Variants in PTPRD observed in about 807,000 individuals in gnomAD.
The protein encoded by PTPRD is receptor-type tyrosine-protein phosphatase delta.
In PTPRD, 34 loss-of-function variants were observed where a neutral mutation model predicts 214.5. That is an observed-to-expected ratio of 0.16 (90% confidence interval 0.12 to 0.21). The LOEUF (loss-of-function observed/expected upper bound fraction) is 0.21, where lower values mean the gene tolerates loss of function less well. PTPRD is among the 10% of genes least tolerant of loss of function. PTPRD has a pLI of 1.00. For synonymous variants in PTPRD, 1,128 were observed against 845.7 expected, an observed-to-expected ratio of 1.33 and a Z score of -5.79; for missense variants, 2,545 against 2,398.7, an observed-to-expected ratio of 1.06 and a Z score of -1.27.
chr9:10,479,653 A>ATAAC (rs2099084824), intron 2 of PTPRD, among the ~76,000 whole-genome samples: 1 of 57,238 alleles, frequency 1.7e-5, no homozygotes, highest in South Asian at 9.1e-4. Context: ...AAATAAATAA[A>ATAAC]TAAATAAACA....
intron 7 of PTPRD, among the ~76,000 whole-genome samples, chr9:9,690,552 G>C (rs1354491723): frequency 1.3e-5 from 2 of 151,778 alleles, no homozygotes; most frequent in African/African-American, 4.8e-5. Flanking sequence ...ATTGCCCAGA[G>C]CAATATCCTA....
At chr9:9,469,014 C>T (rs10977795) in intron 8 of PTPRD, among the ~76,000 whole-genome samples, 20,449 of 152,034 alleles carry the variant, frequency 0.13, 1,467 homozygotes, top group Middle Eastern at 0.27. Flanking sequence ...ACTTTAGCAT[C>T]ATAGCTTTAG....
At chr9:8,989,514 A>G (rs1307243685) in intron 11 of PTPRD, among the ~76,000 whole-genome samples, 2 of 152,072 alleles carry the variant, frequency 1.3e-5, no homozygotes, top group African/African-American at 2.4e-5. Flanking sequence ...AGTTCCGTCA[A>G]TGTTCCTGGA....
At chr9:9,751,385 T>C (rs1444196911) in intron 6 of PTPRD, among the ~76,000 whole-genome samples, 7 of 152,176 alleles carry the variant, frequency 4.6e-5, no homozygotes, top group African/African-American at 1.7e-4. Context: ...GAAAAATTAA[T>C]GCAACATTAG....
chr9:10,136,161 T>C (rs1317496526), intron 3 of PTPRD, among the ~76,000 whole-genome samples: 3 of 151,654 alleles, frequency 2.0e-5, no homozygotes, highest in East Asian at 1.9e-4. Flanking sequence ...AACAATAAAA[T>C]ATTCAATTCA....
At chr9:10,327,840 C>T (rs939080253) in intron 3 of PTPRD, among the ~76,000 whole-genome samples, 1 of 151,724 alleles carries the variant, frequency 6.6e-6, no homozygotes, top group African/African-American at 2.4e-5. Context: ...CCTGTCAGGG[C>T]TGTCTGGTAG....
At chr9:9,800,472 G>A (rs948235265) in intron 5 of PTPRD, 15 of 152,160 alleles carry the variant, frequency 9.9e-5, no homozygotes, top group African/African-American at 3.4e-4. Context: ...TGGAGAAAAA[G>A]GGTAAAAGCA....
At chr9:9,642,415 T>TA (rs202224711) in intron 7 of PTPRD, among the ~76,000 whole-genome samples, 2,879 of 151,906 alleles carry the variant, frequency 0.019, 86 homozygotes, top group African/African-American at 0.066. Context: ...TAAAGTATAA[T>TA]AAAAAAAATA....
chr9:8,992,962 A>G (rs1366941103), intron 11 of PTPRD, among the ~76,000 whole-genome samples: 2 of 152,192 alleles, frequency 1.3e-5, no homozygotes, highest in Non-Finnish European at 2.9e-5. Context: ...AAATTACAAC[A>G]CACTCTATAA....
intron 11 of PTPRD, among the ~76,000 whole-genome samples, chr9:8,741,757 ATTG>A (rs780045735): frequency 4.6e-5 from 7 of 151,358 alleles, no homozygotes; most frequent in Non-Finnish European, 1.0e-4. Flanking sequence ...TGCCAAGCTA[ATTG>A]TTGTATTTTT....
At position 9,315,092 on chromosome 9, in the gene PTPRD, T is replaced by C. The variant is rs961425703; in HGVS notation, c.-203+82357A>G. 3.9e-5 allele frequency among the ~76,000 whole-genome samples: 6 copies of C among 152,200 alleles called. No individual in the cohort carries two copies. The East Asian group carries it at 7.7e-4, about 20-fold the overall frequency. On this transcript the variant is annotated intron_variant, in intron 9 of 45. Coordinates refer to ENST00000381196, the MANE Select transcript of PTPRD (RefSeq NM_002839.4). ...CCAACTAAAGTTGTCATTTAGAATT[T>C]TCATTGATCTTTTACCACATTATTT...
intron 12 of PTPRD, among the ~76,000 whole-genome samples, chr9:8,688,974 T>TA (rs1265984039): frequency 2.0e-5 from 3 of 152,190 alleles, no homozygotes; most frequent in Non-Finnish European, 4.4e-5. Context: ...TTCTAAATTT[T>TA]ATAAATCAGG....
At chr9:10,262,897 G>A (rs1056695096) in intron 3 of PTPRD, among the ~76,000 whole-genome samples, 1 of 152,130 alleles carries the variant, frequency 6.6e-6, no homozygotes, top group Non-Finnish European at 1.5e-5. Flanking sequence ...ACATGTTGTG[G>A]GAGGGACCTG....
chr9:8,852,316 G>C (rs2097835048), intron 11 of PTPRD, among the ~76,000 whole-genome samples: 1 of 152,216 alleles, frequency 6.6e-6, no homozygotes, highest in African/African-American at 2.4e-5. Context: ...GCAACTGGCA[G>C]AGTTACGAGA....
chr9:10,457,767 T>G (rs552438889), intron 2 of PTPRD, among the ~76,000 whole-genome samples: 138 of 152,180 alleles, frequency 9.1e-4, no homozygotes, highest in Non-Finnish European at 8.4e-4. Context: ...AATAGAAATG[T>G]TGTTGGGTGT....
At chr9:9,602,678 A>C (rs2093863963) in intron 7 of PTPRD, among the ~76,000 whole-genome samples, 1 of 151,942 alleles carries the variant, frequency 6.6e-6, no homozygotes, top group African/African-American at 2.4e-5. Context: ...TTTTGTTGTG[A>C]TGGAGTCATA....
At chr9:8,801,057 G>T (rs1036772151) in intron 11 of PTPRD, among the ~76,000 whole-genome samples, 4 of 152,106 alleles carry the variant, frequency 2.6e-5, no homozygotes, top group Non-Finnish European at 4.4e-5. Flanking sequence ...CAAGGATTAA[G>T]ATGTGCAAAA....
rs368759966 is a variant in PTPRD, at chr9:10,186,087, ATT to A, written c.-544-152299_-544-152298del. The stretch of plus-strand genomic sequence containing the variant: ...GATAATTATGCTAGAAATAAACAAT[ATT>A]TTTTTTTTTTATTGAGGGCAGTATG... On this transcript the variant is annotated intron_variant, in intron 3 of 45. Coordinates refer to ENST00000381196, the MANE Select transcript of PTPRD (RefSeq NM_002839.4). 7.4e-4 allele frequency among the ~76,000 whole-genome samples: 110 copies of A among 148,720 alleles called. 1 individual carries two copies. Among genetic ancestry groups the A allele is most frequent in the African/African-American group, 2.1e-3 (84 of 40,954 alleles).
intron 9 of PTPRD, among the ~76,000 whole-genome samples, chr9:9,190,252 G>A (rs1474132870): frequency 2.6e-5 from 4 of 151,964 alleles, no homozygotes; most frequent in East Asian, 3.9e-4. Flanking sequence ...TGAGTGATAT[G>A]GTTTGACTGT....
Sources: allele counts gnomAD v4.1 joint callset (sites outside exome capture counted in the v4.1 genomes callset), GRCh38; gene constraint gnomAD v4.1.1; transcripts MANE v1.5; gene names NCBI Gene and HGNC (gene_info 2026-07-23, HGNC 2026-07-21).